FRMPD4: variants seen among roughly 807,000 people sequenced by gnomAD.
FRMPD4 encodes FERM and PDZ domain-containing protein 4.
Under a neutral mutation model 94.1 loss-of-function variants are expected in FRMPD4, and 22 were observed. The observed-to-expected ratio is 0.23, with a 90% CI of 0.17 to 0.33. FRMPD4 has a LOEUF of 0.33. FRMPD4 is among the 10% of genes least tolerant of loss of function. The pLI, the probability that FRMPD4 is intolerant of heterozygous loss-of-function variation, is 1.00. For missense variants in FRMPD4, 1,111 were observed against 1,339.9 expected (o/e 0.83, Z 2.67); for synonymous variants, 631 against 548.6 (o/e 1.15, Z -2.10).
chrX:12,613,432 A>T (rs1175324074), intron 3 of FRMPD4, among the ~76,000 whole-genome samples: 2 of 112,503 alleles, frequency 1.8e-5, no homozygotes, highest in Non-Finnish European at 3.8e-5. Context: ...CAATTATCTC[A>T]TTATATGGAA....
chrX:12,623,669 AG>A (rs1309890786), intron 4 of FRMPD4, among the ~76,000 whole-genome samples: 1 of 100,814 alleles, frequency 9.9e-6, no homozygotes, highest in East Asian at 3.1e-4. Flanking sequence ...TACAAATCAA[AG>A]GGTCTCAAGC....
intron 1 of FRMPD4, among the ~76,000 whole-genome samples, chrX:12,201,662 C>T: frequency 8.9e-6 from 1 of 111,815 alleles, no homozygotes; most frequent in Non-Finnish European, 1.9e-5. Flanking sequence ...CCAGAAAAAG[C>T]CTGTTTACTA....
At chrX:12,632,811 C>T (rs1260769813) in intron 4 of FRMPD4, among the ~76,000 whole-genome samples, 1 of 112,006 alleles carries the variant, frequency 8.9e-6, no homozygotes, top group Non-Finnish European at 1.9e-5. Context: ...ATGGGATCTT[C>T]AAAAGGGTCT....
chrX:12,249,899 G>A (rs183671159), intron 1 of FRMPD4, among the ~76,000 whole-genome samples: 3 of 111,604 alleles, frequency 2.7e-5, no homozygotes, highest in Middle Eastern at 4.6e-3. Flanking sequence ...TGTAGTGGTT[G>A]GCAATATTCA....
chrX:11,925,599 C>T (rs2054082707), intron 3 of FRMPD4, among the ~76,000 whole-genome samples: 1 of 112,038 alleles, frequency 8.9e-6, no homozygotes, highest in South Asian at 3.7e-4. Context: ...CTAAGAAATT[C>T]ACTCAAAACC....
intron 9 of FRMPD4, among the ~76,000 whole-genome samples, chrX:12,698,842 A>G (rs2060160072): frequency 9.0e-6 from 1 of 111,404 alleles, no homozygotes; most frequent in African/African-American, 3.3e-5. Context: ...AAACATATTT[A>G]CAGGTATCAT....
chrX:12,486,396 C>T (rs1363249907), intron 1 of FRMPD4, among the ~76,000 whole-genome samples: 2 of 111,970 alleles, frequency 1.8e-5, no homozygotes, highest in African/African-American at 6.5e-5. Context: ...TTGGAGAGGC[C>T]CTGCTATAAG....
At chrX:12,274,455 T>G (rs2054401437) in intron 1 of FRMPD4, among the ~76,000 whole-genome samples, 1 of 112,513 alleles carries the variant, frequency 8.9e-6, no homozygotes, top group African/African-American at 3.2e-5. Context: ...GAAAAAGAGA[T>G]AGTGCTTATG....
intron 1 of FRMPD4, among the ~76,000 whole-genome samples, chrX:12,316,462 A>AT (rs2055118514): frequency 8.9e-6 from 1 of 111,751 alleles, no homozygotes. Context: ...CCATTTCCAG[A>AT]TTTTTTAAAA....
At chrX:12,526,990 C>T (rs1442602591) in intron 2 of FRMPD4, among the ~76,000 whole-genome samples, 2 of 111,452 alleles carry the variant, frequency 1.8e-5, no homozygotes, top group Non-Finnish European at 3.8e-5. Flanking sequence ...AAAAAAAGTG[C>T]TTTTTCTTAT....
chrX:12,497,950 T>C (rs1309099625), intron 1 of FRMPD4, among the ~76,000 whole-genome samples: 4 of 111,159 alleles, frequency 3.6e-5, no homozygotes, highest in Non-Finnish European at 7.6e-5. Context: ...TGTTAGCCCC[T>C]GCCACACTCA....
chrX:12,307,668 G>A (rs781260470), intron 1 of FRMPD4, among the ~76,000 whole-genome samples: 5 of 111,566 alleles, frequency 4.5e-5, no homozygotes, highest in South Asian at 7.7e-4. Context: ...AAAATTCATC[G>A]AACTGCATAC....
At chrX:12,258,054 C>T (rs1462590514) in intron 1 of FRMPD4, among the ~76,000 whole-genome samples, 1 of 110,341 alleles carries the variant, frequency 9.1e-6, no homozygotes, top group Non-Finnish European at 1.9e-5. Flanking sequence ...TTCTACCTCC[C>T]ACTCCTCCCC....
At chrX:12,422,387 A>G (rs1381583912) in intron 1 of FRMPD4, among the ~76,000 whole-genome samples, 1 of 112,491 alleles carries the variant, frequency 8.9e-6, no homozygotes, top group Non-Finnish European at 1.9e-5. Flanking sequence ...CACTTTATTC[A>G]ATCCTATTCA....
rs190874916 is a variant in FRMPD4, at chrX:11,932,595, A to G, written c.95+54577A>G. ...TGTCCAAATGGGAGTTAGGTGTGTA[A>G]AACTGTGTACTAGGTATTAAATGCC... On this transcript the variant is annotated intron_variant, in intron 3 of 18. Transcript: ENST00000640291. 9.9e-5 allele frequency among the ~76,000 whole-genome samples: 11 copies of G among 110,998 alleles called. No homozygotes were observed. In the East Asian group the frequency reaches 2.8e-3, roughly 29 times the overall value.
At chrX:12,452,586 C>T (rs766367973) in intron 1 of FRMPD4, among the ~76,000 whole-genome samples, 9 of 111,911 alleles carry the variant, frequency 8.0e-5, no homozygotes, top group Non-Finnish European at 1.7e-4. Flanking sequence ...TATGTTTTAA[C>T]GAAAAGTATG....
intron 3 of FRMPD4, among the ~76,000 whole-genome samples, chrX:12,039,751 C>T (rs771662574): frequency 2.5e-4 from 27 of 109,793 alleles, no homozygotes; most frequent in Non-Finnish European, 4.4e-4. Flanking sequence ...GGGTGGATCA[C>T]CTGAGGTAGG....
chrX:12,246,293 T>G, intron 1 of FRMPD4, among the ~76,000 whole-genome samples: 1 of 112,370 alleles, frequency 8.9e-6, no homozygotes, highest in Admixed American at 9.4e-5. Flanking sequence ...AAGAGCTGAC[T>G]CTTCATTCAC....
intron 3 of FRMPD4, among the ~76,000 whole-genome samples, chrX:12,027,459 A>T (rs1341686677): frequency 8.9e-6 from 1 of 112,209 alleles, no homozygotes; most frequent in Non-Finnish European, 1.9e-5. Flanking sequence ...GGAAAACTAA[A>T]ATCAGCCTGA....
Sources: allele counts gnomAD v4.1 joint callset (sites outside exome capture counted in the v4.1 genomes callset), GRCh38; gene constraint gnomAD v4.1.1; transcripts MANE v1.5; gene names NCBI Gene and HGNC (gene_info 2026-07-23, HGNC 2026-07-21).